The following ATP8A1 variants were observed in gnomAD, a reference collection of about 807,000 sequenced individuals.
The protein encoded by ATP8A1 is ATPase phospholipid transporting 8A1.
Under a neutral mutation model 177.7 loss-of-function variants are expected in ATP8A1, and 90 were observed. That is an observed-to-expected ratio of 0.51 (90% CI 0.43 to 0.60). ATP8A1 has a LOEUF of 0.60. ATP8A1 is among the 20% of genes least tolerant of loss of function. The pLI is 0.00. For missense variants in ATP8A1, 1,072 were observed against 1,392.8 expected (o/e 0.77, Z 3.67); for synonymous variants, 493 against 485.9 (o/e 1.01, Z -0.19).
At chr4:42,606,248 C>T (rs1735787788) in intron 5 of ATP8A1, among the ~76,000 whole-genome samples, 1 of 152,186 alleles carries the variant, frequency 6.6e-6, no homozygotes, top group Non-Finnish European at 1.5e-5. Context: ...GGATATGGTA[C>T]AGCAGGAAAA....
intron 25 of ATP8A1, among the ~76,000 whole-genome samples, chr4:42,472,967 G>C (rs915106837): frequency 2.6e-5 from 4 of 151,730 alleles, no homozygotes; most frequent in Admixed American, 2.6e-4. Context: ...GGAGAATGAG[G>C]GTCTAAACGT....
chr4:42,502,411 T>C (rs1050786542), intron 24 of ATP8A1, among the ~76,000 whole-genome samples: 4 of 152,202 alleles, frequency 2.6e-5, no homozygotes, highest in African/African-American at 9.7e-5. Context: ...TATTCTCTGC[T>C]TGATACTTAA....
At chr4:42,448,006 C>T (rs1717471105) in intron 30 of ATP8A1, among the ~76,000 whole-genome samples, 1 of 152,016 alleles carries the variant, frequency 6.6e-6, no homozygotes, top group Non-Finnish European at 1.5e-5. Flanking sequence ...TTGAGGGTCT[C>T]AAAAAGTTTT....
At chr4:42,591,712 A>G (rs758931944) in intron 6 of ATP8A1, among the ~76,000 whole-genome samples, 1 of 152,182 alleles carries the variant, frequency 6.6e-6, no homozygotes, top group Non-Finnish European at 1.5e-5. Context: ...TATTTATTAA[A>G]TGCTAAAATC....
intron 20 of ATP8A1, 88 bp from the exon 21 acceptor site, chr4:42,524,935 A>C (rs1029644755): frequency 6.0e-5 from 44 of 733,954 alleles, no homozygotes; most frequent in Non-Finnish European, 8.9e-5. Context: ...GTAGGAAATC[A>C]GTGTAACAAC....
rs192436978 is a variant in ATP8A1, at chr4:42,425,000, T to C, written c.3124-1295A>G. Among the ~76,000 whole-genome samples the C allele has an allele frequency of 2.2e-3, 333 of 152,320 alleles. 3 individuals are homozygous for C. Among genetic ancestry groups the C allele is most frequent in the Admixed American group, 0.021 (324 of 15,304 alleles). ...TAAGCAAAACATGATCTTTGACATG[T>C]TTGCTGACATCCTCAATGGTGAAAA... On this transcript the variant is annotated intron_variant, in intron 33 of 36. Transcript: ENST00000381668.
At position 42,581,500 on chromosome 4, in the gene ATP8A1, G is replaced by A. The variant is rs867570392; in HGVS notation, c.834+121C>T. On this transcript the variant is annotated intron_variant, in intron 10 of 36. Transcript: ENST00000381668. ...AGGAGTACCAGATTCTGAACATATAGGGTTGGATCAGGAGTCTGTGACAGA... is the reference window on the plus strand; with the variant it reads ...AGGAGTACCAGATTCTGAACATATAAGGTTGGATCAGGAGTCTGTGACAGA... 2.9e-4 allele frequency: 212 copies of A among 730,370 alleles called. 4 individuals carry two copies. Among genetic ancestry groups the A allele is most frequent in the Middle Eastern group, 2.1e-3 (9 of 4,328 alleles). 45.2% of individuals were successfully genotyped at this position (730,370 alleles called of 1,614,324 possible). A position where few individuals can be genotyped will look rare whatever the true frequency, so the allele number is the denominator to read the frequency against.
Position 42,444,594 on chromosome 4 carries a change from G to A in ATP8A1, c.2999C>T (p.Thr1000Ile). Residue 1000 changes from threonine (T) to isoleucine (I), a missense_variant, in exon 32 of 37, where the codon ACA (threonine) becomes ATA (isoleucine). Transcript: ENST00000381668. ...TTTTCTTACCCATGTCCAATATGAT[G>A]TCTCCAATCCAGCTTTCAAACACAC... ...ITVCLKAGLE[T>I]SYWTWFSHIA... 3 of 1,613,816 alleles carry A rather than the reference G, an allele frequency of 1.9e-6. No individual in the cohort carries two copies. The highest frequency in any genetic ancestry group is 1.7e-6 in the Non-Finnish European group (2 of 1,179,872).
At chr4:42,484,877 C>T (rs1395866108) in intron 25 of ATP8A1, among the ~76,000 whole-genome samples, 1 of 152,140 alleles carries the variant, frequency 6.6e-6, no homozygotes, top group African/African-American at 2.4e-5. Flanking sequence ...CATGAACCTA[C>T]TTTAGGTCTT....
intron 24 of ATP8A1, among the ~76,000 whole-genome samples, chr4:42,499,902 AAAAC>A (rs1170291460): frequency 1.3e-5 from 2 of 152,240 alleles, no homozygotes; most frequent in Non-Finnish European, 2.9e-5. Context: ...TTAAAAAATT[AAAAC>A]AAACTAAACG....
chr4:42,647,354 A>G (rs1214724038), intron 1 of ATP8A1, among the ~76,000 whole-genome samples: 1 of 152,218 alleles, frequency 6.6e-6, no homozygotes, highest in Non-Finnish European at 1.5e-5. Context: ...TGTTCAATAC[A>G]GTGGCCACTA....
At chr4:42,461,273 A>T (rs531328462) in intron 27 of ATP8A1, among the ~76,000 whole-genome samples, 98 of 117,006 alleles carry the variant, frequency 8.4e-4, no homozygotes, top group African/African-American at 2.6e-3. Flanking sequence ...GCTTTTTGCT[A>T]ATGTGGCTTG....
chr4:42,565,681 G>T (rs1321459477), intron 15 of ATP8A1, among the ~76,000 whole-genome samples: 1 of 152,192 alleles, frequency 6.6e-6, no homozygotes, highest in Admixed American at 6.5e-5. Context: ...GCTTCAAAAT[G>T]ATAGTGGGGG....
At chr4:42,426,099 C>T (rs1212388300) in intron 33 of ATP8A1, among the ~76,000 whole-genome samples, 1 of 152,224 alleles carries the variant, frequency 6.6e-6, no homozygotes, top group Non-Finnish European at 1.5e-5. Flanking sequence ...TGTGAACTTT[C>T]AGGGAACAAA....
intron 35 of ATP8A1, among the ~76,000 whole-genome samples, chr4:42,418,891 A>G (rs1713544309): frequency 6.6e-6 from 1 of 152,192 alleles, no homozygotes; most frequent in African/African-American, 2.4e-5. Context: ...AAATTATTGT[A>G]AATATTAATC....
At chr4:42,492,052 T>C (rs1019801720) in intron 24 of ATP8A1, among the ~76,000 whole-genome samples, 1 of 152,180 alleles carries the variant, frequency 6.6e-6, no homozygotes, top group Non-Finnish European at 1.5e-5. Context: ...ATTACTTATT[T>C]GTGGCTTCAG....
chr4:42,501,397 T>C (rs1213273763), intron 24 of ATP8A1, among the ~76,000 whole-genome samples: 1 of 152,242 alleles, frequency 6.6e-6, no homozygotes, highest in Non-Finnish European at 1.5e-5. Context: ...GAAGCTGATT[T>C]TAATTTGCTG....
At chr4:42,530,788 A>T (rs1483816986) in intron 20 of ATP8A1, among the ~76,000 whole-genome samples, 1 of 152,180 alleles carries the variant, frequency 6.6e-6, no homozygotes, top group Non-Finnish European at 1.5e-5. Flanking sequence ...AGCATCCAAT[A>T]TATGGTACTG....
intron 35 of ATP8A1, among the ~76,000 whole-genome samples, 153 bp downstream of exon 35, chr4:42,422,654 G>A (rs913623574): frequency 9.9e-5 from 15 of 152,172 alleles, no homozygotes; most frequent in Non-Finnish European, 1.9e-4. Context: ...GAAAGCGACA[G>A]ATTTAAATCC....
Sources: allele counts gnomAD v4.1 joint callset (sites outside exome capture counted in the v4.1 genomes callset), GRCh38; gene constraint gnomAD v4.1.1; transcripts MANE v1.5; gene names NCBI Gene and HGNC (gene_info 2026-07-23, HGNC 2026-07-21).